Variants in MAPK10 observed in about 807,000 individuals in gnomAD.
MAPK10 encodes JNK3 alpha protein kinase.
In MAPK10, 25 loss-of-function variants were observed where a neutral mutation model predicts 59.3. That is an observed-to-expected ratio of 0.42 (90% CI 0.31 to 0.59). The LOEUF is 0.59. MAPK10 is among the 20% of genes least tolerant of loss of function. The pLI is 0.15. For synonymous variants in MAPK10, 190 were observed against 200.5 expected, an observed-to-expected ratio of 0.95 and a Z score of 0.44; for missense variants, 351 against 568.9, an observed-to-expected ratio of 0.62 and a Z score of 3.90.
intron 2 of MAPK10, among the ~76,000 whole-genome samples, chr4:86,306,630 C>G (rs2148859891): frequency 6.6e-6 from 1 of 152,070 alleles, no homozygotes; most frequent in East Asian, 1.9e-4. Flanking sequence ...TTATAGAAAA[C>G]AAAATATACA....
chr4:86,313,500 A>G (rs2095712833), intron 2 of MAPK10, among the ~76,000 whole-genome samples: 2 of 152,146 alleles, frequency 1.3e-5, no homozygotes, highest in African/African-American at 4.8e-5. Flanking sequence ...GGACTTACAA[A>G]GAGCTACAAT....
At chr4:86,226,775 T>C (rs2090693722) in intron 2 of MAPK10, among the ~76,000 whole-genome samples, 1 of 152,184 alleles carries the variant, frequency 6.6e-6, no homozygotes, top group African/African-American at 2.4e-5. Context: ...TACTATAGCA[T>C]TCTATGTTCT....
chr4:86,061,665 T>C (rs1246883348), intron 11 of MAPK10, among the ~76,000 whole-genome samples: 1 of 152,136 alleles, frequency 6.6e-6, no homozygotes, highest in Non-Finnish European at 1.5e-5. Flanking sequence ...CTTTTGACTT[T>C]TCCTCTAAAT....
intron 2 of MAPK10, chr4:86,326,199 A>C (rs1437560496): frequency 6.6e-6 from 1 of 152,234 alleles, no homozygotes; most frequent in African/African-American, 2.4e-5. Context: ...ACATGAAAGA[A>C]CATGGCTTGT....
chr4:86,433,548 C>CCTT (rs1269291409), intron 1 of MAPK10, among the ~76,000 whole-genome samples: 99 of 148,374 alleles, frequency 6.7e-4, no homozygotes, highest in African/African-American at 2.3e-3. Context: ...ACAGTCTGGG[C>CCTT]CTTCTTCTTT....
intron 1 of MAPK10, among the ~76,000 whole-genome samples, chr4:86,562,081 C>T (rs1193315358): frequency 6.6e-6 from 1 of 152,130 alleles, no homozygotes; most frequent in Non-Finnish European, 1.5e-5. Flanking sequence ...TTGGGCCAGG[C>T]ATGGTGGCTC....
intron 1 of MAPK10, among the ~76,000 whole-genome samples, chr4:86,365,233 A>C (rs1443214971): frequency 1.3e-5 from 2 of 151,992 alleles, no homozygotes; most frequent in African/African-American, 4.8e-5. Context: ...GGAGTTTGAG[A>C]CCAGCCTGGC....
intron 2 of MAPK10, among the ~76,000 whole-genome samples, chr4:86,236,197 C>A (rs889717379): frequency 3.3e-5 from 5 of 152,134 alleles, no homozygotes; most frequent in African/African-American, 4.8e-5. Flanking sequence ...TTATATTGGG[C>A]CCACTTAGAT....
chr4:86,395,175 C>A (rs928779696), intron 1 of MAPK10, among the ~76,000 whole-genome samples: 6 of 152,040 alleles, frequency 3.9e-5, no homozygotes, highest in Admixed American at 1.3e-4. Context: ...AGGATGTTAC[C>A]TTTGTTTTAT....
chr4:86,226,664 C>T (rs1361570988), intron 2 of MAPK10, among the ~76,000 whole-genome samples: 1 of 152,226 alleles, frequency 6.6e-6, no homozygotes, highest in Admixed American at 6.5e-5. Context: ...AAGAGGAAGT[C>T]ATCACCTTAA....
intron 4 of MAPK10, among the ~76,000 whole-genome samples, chr4:86,114,927 T>G (rs1044748515): frequency 6.6e-6 from 1 of 152,234 alleles, no homozygotes; most frequent in Admixed American, 6.5e-5. Flanking sequence ...AGGTTCCACC[T>G]AAAGAAGCAG....
chr4:86,198,046 T>C (rs2081778381), intron 2 of MAPK10, among the ~76,000 whole-genome samples: 1 of 152,056 alleles, frequency 6.6e-6, no homozygotes, highest in South Asian at 2.1e-4. Flanking sequence ...AATTAGTCAT[T>C]GTATGGGGAT....
intron 2 of MAPK10, among the ~76,000 whole-genome samples, chr4:86,250,956 T>C (rs1051067673): frequency 1.3e-5 from 2 of 152,096 alleles, no homozygotes; most frequent in Non-Finnish European, 2.9e-5. Context: ...AGTTAAAGTG[T>C]TGCTTTGAAC....
intron 8 of MAPK10, chr4:86,100,247 A>G (rs1195281455): frequency 6.6e-6 from 1 of 152,204 alleles, no homozygotes. Context: ...TATGTTTTCA[A>G]TATGGTGCAT....
chr4:86,290,843 G>GA (rs2095201419), intron 2 of MAPK10, among the ~76,000 whole-genome samples: 1 of 152,104 alleles, frequency 6.6e-6, no homozygotes, highest in Non-Finnish European at 1.5e-5. Flanking sequence ...TTCCTCTAGT[G>GA]AAAAACTAGT....
intron 11 of MAPK10, among the ~76,000 whole-genome samples, chr4:86,047,873 C>T (rs1472769007): frequency 1.3e-5 from 2 of 152,084 alleles, no homozygotes; most frequent in East Asian, 1.9e-4. Flanking sequence ...AAGGAAAATT[C>T]TAGGCATTCT....
chr4:86,020,043 C>T (rs1745586538), intron 13 of MAPK10, among the ~76,000 whole-genome samples: 1 of 152,198 alleles, frequency 6.6e-6, no homozygotes, highest in Non-Finnish European at 1.5e-5. Flanking sequence ...ATCCATTTTG[C>T]AGCATTTCAT....
At chr4:86,574,266 T>C (rs1396438855) in intron 1 of MAPK10, among the ~76,000 whole-genome samples, 7 of 151,944 alleles carry the variant, frequency 4.6e-5, no homozygotes, top group African/African-American at 1.7e-4. Flanking sequence ...TAGTATTCCA[T>C]GGTGTATATG....
At chr4:86,288,928 TAA>T (rs202103787) in intron 2 of MAPK10, among the ~76,000 whole-genome samples, 82 of 126,498 alleles carry the variant, frequency 6.5e-4, no homozygotes, top group East Asian at 2.1e-3. Context: ...AAAATAAAAG[TAA>T]AAAAAAAAAA....
Sources: gnomAD v4.1 joint callset for allele counts (sites outside exome capture counted in the v4.1 genomes callset) on GRCh38, gnomAD v4.1.1 for gene constraint, MANE v1.5 for transcripts, NCBI Gene and HGNC (gene_info 2026-07-23, HGNC 2026-07-21) for gene names.